The following CSNK1G3 variants were observed in gnomAD, a reference collection of about 807,000 sequenced individuals.
The protein encoded by CSNK1G3 is casein kinase 1 gamma 3.
Under a neutral mutation model 64.3 loss-of-function variants are expected in CSNK1G3, and 23 were observed. That is an observed-to-expected ratio of 0.36 (90% CI 0.26 to 0.51). The LOEUF (loss-of-function observed/expected upper bound fraction) is 0.51, where lower values mean the gene tolerates loss of function less well. Ranked by LOEUF, CSNK1G3 falls within the 20% of genes least tolerant of loss-of-function variation. The probability of loss-of-function intolerance (pLI) is 0.96; values close to 1 mark genes in which losing one functional copy is unlikely to be tolerated. For missense variants in CSNK1G3, 357 were observed against 510.5 expected, an observed-to-expected ratio of 0.70 and a Z score of 2.90; for synonymous variants, 158 against 162.2, an observed-to-expected ratio of 0.97 and a Z score of 0.20.
intron 1 of CSNK1G3, among the ~76,000 whole-genome samples, chr5:123,528,261 A>T (rs2150061767): frequency 6.6e-6 from 1 of 152,216 alleles, no homozygotes; most frequent in East Asian, 1.9e-4. Context: ...GTGGAGTGTT[A>T]TTCCACCTGT....
chr5:123,546,080 A>G, intron 2 of CSNK1G3: 1 of 404,448 alleles, frequency 2.5e-6, no homozygotes, highest in Non-Finnish European at 4.5e-6. Flanking sequence ...TGAGAAAACA[A>G]ACAATTAAAT....
chr5:123,533,784 A>G (rs1487109211), intron 1 of CSNK1G3, among the ~76,000 whole-genome samples: 3 of 151,652 alleles, frequency 2.0e-5, no homozygotes, highest in Non-Finnish European at 2.9e-5. Context: ...TCTGTTCTTC[A>G]TATGATCTGC....
At chr5:123,607,129 T>C (rs1795497333) in intron 12 of CSNK1G3, among the ~76,000 whole-genome samples, 1 of 152,014 alleles carries the variant, frequency 6.6e-6, no homozygotes, top group Non-Finnish European at 1.5e-5. Flanking sequence ...GCTATTGCTA[T>C]AGGAAGGGTT....
exon 7 of CSNK1G3, chr5:123,588,150 A>C: frequency 6.3e-7 from 1 of 1,593,652 alleles, no homozygotes; most frequent in Non-Finnish European, 8.6e-7. Flanking sequence ...GGCAAGGCTT[A>C]AAGGTAATTG....
chr5:123,531,526 C>T (rs1779937889), intron 1 of CSNK1G3, among the ~76,000 whole-genome samples: 1 of 151,926 alleles, frequency 6.6e-6, no homozygotes, highest in African/African-American at 2.4e-5. Context: ...CTGTATTTAG[C>T]AGCTCATTTT....
At chr5:123,610,991 T>G (rs1423826635) in intron 12 of CSNK1G3, among the ~76,000 whole-genome samples, 1 of 152,094 alleles carries the variant, frequency 6.6e-6, no homozygotes, top group Non-Finnish European at 1.5e-5. Flanking sequence ...AATAAATAAA[T>G]AAAATAATTT....
rs1784449805 is a variant in CSNK1G3, at chr5:123,555,445, T to A, written c.220-2050T>A. ...AGTAATCACTTGAACATCTTATGTC[T>A]GCATACCTCAGTGTTATCTGGCTTT... On this transcript the variant is annotated intron_variant, in intron 3 of 12. Coordinates refer to ENST00000345990, the Ensembl canonical transcript of CSNK1G3. Among the ~76,000 whole-genome samples, 3 of 152,222 alleles carry A rather than the reference T, an allele frequency of 2.0e-5. No individual in the cohort carries two copies. In the South Asian group the frequency reaches 6.2e-4, roughly 31 times the overall value.
intron 1 of CSNK1G3, among the ~76,000 whole-genome samples, chr5:123,521,340 C>G (rs1006692425): frequency 6.6e-6 from 1 of 151,894 alleles, no homozygotes; most frequent in Non-Finnish European, 1.5e-5. Context: ...TTCTGTCATA[C>G]GAGTATCAGG....
At chr5:123,548,234 G>A (rs558879789) in intron 2 of CSNK1G3, among the ~76,000 whole-genome samples, 26 of 152,266 alleles carry the variant, frequency 1.7e-4, no homozygotes, top group African/African-American at 6.0e-4. Context: ...CAAGGCAGGA[G>A]GGTGGCTTGA....
At chr5:123,614,369 A>G (rs1440740976) in exon 13 of CSNK1G3, 6 of 1,613,264 alleles carry the variant, frequency 3.7e-6, no homozygotes, top group Non-Finnish European at 5.1e-6. Flanking sequence ...AACGAAGGAA[A>G]AGGAAAACCA....
At chr5:123,596,571 C>T (rs573244098) in intron 10 of CSNK1G3, among the ~76,000 whole-genome samples, 1 of 152,186 alleles carries the variant, frequency 6.6e-6, no homozygotes, top group East Asian at 1.9e-4. Context: ...CGTGGGATTC[C>T]TTTGGACTGT....
chr5:123,543,271 A>G (rs911520558), intron 1 of CSNK1G3, among the ~76,000 whole-genome samples: 18 of 152,076 alleles, frequency 1.2e-4, no homozygotes, highest in African/African-American at 4.1e-4. Flanking sequence ...AGTAGGCCTT[A>G]TGTCGGGTAT....
At chr5:123,521,953 A>G (rs1354695584) in intron 1 of CSNK1G3, among the ~76,000 whole-genome samples, 1 of 152,170 alleles carries the variant, frequency 6.6e-6, no homozygotes, top group East Asian at 1.9e-4. Flanking sequence ...GCATTGATAT[A>G]TTTTAGGATT....
chr5:123,613,827 C>T (rs1174263234), intron 12 of CSNK1G3, among the ~76,000 whole-genome samples: 2 of 152,148 alleles, frequency 1.3e-5, no homozygotes, highest in African/African-American at 2.4e-5. Context: ...CCTTCTTTAA[C>T]CCTTAAAGAA....
chr5:123,554,356 GT>G (rs1784229716), intron 3 of CSNK1G3, among the ~76,000 whole-genome samples: 2 of 152,176 alleles, frequency 1.3e-5, no homozygotes, highest in Admixed American at 1.3e-4. Context: ...TGGATTCACA[GT>G]AATCAGTTCA....
intron 1 of CSNK1G3, among the ~76,000 whole-genome samples, chr5:123,528,953 A>C (rs1355045631): frequency 6.6e-6 from 1 of 152,192 alleles, no homozygotes; most frequent in Non-Finnish European, 1.5e-5. Context: ...TTGACGTTGA[A>C]TAAAGTGATT....
intron 1 of CSNK1G3, among the ~76,000 whole-genome samples, chr5:123,513,080 G>T (rs143270850): frequency 6.6e-6 from 1 of 152,100 alleles, no homozygotes; most frequent in Non-Finnish European, 1.5e-5. Context: ...TAAACTTCCC[G>T]TTGGAGTGTT....
chr5:123,568,795 C>T (rs2150597538), intron 4 of CSNK1G3, among the ~76,000 whole-genome samples: 1 of 152,286 alleles, frequency 6.6e-6, no homozygotes, highest in Middle Eastern at 3.4e-3. Context: ...ATGTTGTTTC[C>T]ACTGCTATAT....
chr5:123,531,088 T>C (rs1231184951), intron 1 of CSNK1G3, among the ~76,000 whole-genome samples: 1 of 152,124 alleles, frequency 6.6e-6, no homozygotes, highest in Non-Finnish European at 1.5e-5. Context: ...AGTCGTTTCA[T>C]ATACTAAATT....
Sources: gnomAD v4.1 joint callset for allele counts (sites outside exome capture counted in the v4.1 genomes callset) on GRCh38, gnomAD v4.1.1 for gene constraint, MANE v1.5 for transcripts, NCBI Gene and HGNC (gene_info 2026-07-23, HGNC 2026-07-21) for gene names.